AGBL1: variants seen among roughly 807,000 people sequenced by gnomAD.
AGBL1 encodes the protein cytosolic carboxypeptidase 4.
Under a neutral mutation model 118.9 loss-of-function variants are expected in AGBL1, and 130 were observed. The observed-to-expected ratio is 1.09, with a 90% CI of 0.95 to 1.26. AGBL1 has a LOEUF of 1.26. AGBL1 is among the 50% of genes most tolerant of loss of function. AGBL1 has a pLI of 0.00. For missense variants in AGBL1, 1,584 were observed against 1,298.1 expected (o/e 1.22, Z -3.38); for synonymous variants, 555 against 478.9 (o/e 1.16, Z -2.08).
intron 18 of AGBL1, among the ~76,000 whole-genome samples, chr15:86,465,392 G>A (rs912752188): frequency 6.6e-6 from 1 of 152,138 alleles, no homozygotes; most frequent in Non-Finnish European, 1.5e-5. Flanking sequence ...GTGTGTGTTT[G>A]AACAATATGA....
chr15:86,879,617 C>T (rs1278355854), intron 22 of AGBL1, among the ~76,000 whole-genome samples: 1 of 152,164 alleles, frequency 6.6e-6, no homozygotes, highest in African/African-American at 2.4e-5. Flanking sequence ...AAGGAACTCC[C>T]AAAAACTAAT....
In AGBL1 at chr15:86,625,364, C is replaced by CCTTTTTTTTTTTTTTTTTTTTTTTTTTTT. The variant is rs1429206623; in HGVS notation, c.2995-48909_2995-48908insCTTTTTTTTTTTTTTTTTTTTTTTTTTTT. Among the ~76,000 whole-genome samples, 5 of 68,260 alleles carry CCTTTTTTTTTTTTTTTTTTTTTTTTTTTT rather than the reference C, an allele frequency of 7.3e-5. 2 individuals are homozygous for CCTTTTTTTTTTTTTTTTTTTTTTTTTTTT. Among genetic ancestry groups the CCTTTTTTTTTTTTTTTTTTTTTTTTTTTT allele is most frequent in the Non-Finnish European group, 5.6e-5 (2 of 35,668 alleles). The allele number at this position is 68,260 out of a possible 152,430, so 44.8% of individuals were successfully genotyped here. On this transcript the variant is annotated intron_variant, in intron 21 of 22. Coordinates refer to ENST00000614907, the MANE Select transcript of AGBL1 (RefSeq NM_001386094.1). ...CAGCCTCCAAGGTAGAAGAAATTAG[C>CCTTTTTTTTTTTTTTTTTTTTTTTTTTTT]GTTTTTTTTTTTTTGTTTTTGTTTT...
intron 22 of AGBL1, among the ~76,000 whole-genome samples, chr15:86,688,950 A>G (rs571458064): frequency 1.3e-5 from 2 of 152,254 alleles, no homozygotes; most frequent in East Asian, 1.9e-4. Context: ...TTTTATGTCA[A>G]TGGAATCATA....
chr15:86,875,341 C>T (rs374149051), intron 22 of AGBL1, among the ~76,000 whole-genome samples: 4 of 152,176 alleles, frequency 2.6e-5, no homozygotes, highest in African/African-American at 9.7e-5. Flanking sequence ...CTATCCAGAA[C>T]GTGGTTGACA....
At chr15:86,205,573 G>A (rs1376133811) in intron 5 of AGBL1, among the ~76,000 whole-genome samples, 36 of 152,320 alleles carry the variant, frequency 2.4e-4, no homozygotes, top group Non-Finnish European at 4.4e-5. Context: ...ATTCGCATCA[G>A]CAATGAGTGA....
chr15:86,733,708 T>C (rs536540851), intron 22 of AGBL1, among the ~76,000 whole-genome samples: 1 of 152,342 alleles, frequency 6.6e-6, no homozygotes, highest in South Asian at 2.1e-4. Flanking sequence ...TATGAGGAGC[T>C]ATCATTAGCC....
At chr15:86,483,611 G>C (rs116544719) in intron 18 of AGBL1, among the ~76,000 whole-genome samples, 11 of 152,112 alleles carry the variant, frequency 7.2e-5, no homozygotes, top group Admixed American at 6.6e-4. Flanking sequence ...TCAGTTTCAG[G>C]CTTGCTCCAA....
At chr15:86,363,927 T>G (rs1360335258) in intron 17 of AGBL1, among the ~76,000 whole-genome samples, 2 of 152,166 alleles carry the variant, frequency 1.3e-5, no homozygotes, top group Non-Finnish European at 2.9e-5. Context: ...GTAATCAGAG[T>G]TGATTCTTTC....
intron 18 of AGBL1, among the ~76,000 whole-genome samples, chr15:86,488,899 C>A (rs2082744491): frequency 6.6e-6 from 1 of 151,504 alleles, no homozygotes; most frequent in Admixed American, 6.6e-5. Flanking sequence ...AAGCATTGCT[C>A]TTGATAGGAA....
chr15:86,156,048 A>T (rs1471955258), intron 4 of AGBL1, among the ~76,000 whole-genome samples: 1 of 151,952 alleles, frequency 6.6e-6, no homozygotes, highest in Non-Finnish European at 1.5e-5. Flanking sequence ...CAGCCTCCCG[A>T]GTAGCTGGGA....
chr15:86,282,673 G>T (rs147810825), intron 16 of AGBL1, among the ~76,000 whole-genome samples: 1 of 152,130 alleles, frequency 6.6e-6, no homozygotes, highest in African/African-American at 2.4e-5. Flanking sequence ...AGTACATTCT[G>T]TAATGCTAAC....
chr15:86,356,278 T>A lies in AGBL1; in HGVS notation c.2375-41088T>A, dbSNP rs902035147. Among the ~76,000 whole-genome samples the A allele has an allele frequency of 2.0e-5, 3 of 152,068 alleles. 1 individual carries two copies. In the South Asian group the frequency reaches 6.2e-4, roughly 32 times the overall value. The stretch of plus-strand genomic sequence containing the variant: ...TAACCCAGAGAAAGGCCTAAGACTT[T>A]ATTGTAAGTAGAATAACTTAGAAAA... On this transcript the variant is annotated intron_variant, in intron 17 of 22. Transcript: ENST00000614907.
chr15:86,795,709 C>T (rs561486307), intron 22 of AGBL1, among the ~76,000 whole-genome samples: 167 of 151,402 alleles, frequency 1.1e-3, no homozygotes, highest in African/African-American at 3.7e-3. Flanking sequence ...CCCAGCCTCC[C>T]GAGTAGCTGG....
At chr15:86,784,872 C>G (rs2078384836) in intron 22 of AGBL1, among the ~76,000 whole-genome samples, 1 of 152,030 alleles carries the variant, frequency 6.6e-6, no homozygotes, top group South Asian at 2.1e-4. Flanking sequence ...AACAGATAAT[C>G]TTTGTACTAC....
chr15:86,662,716 A>G (rs1348156551), intron 21 of AGBL1, among the ~76,000 whole-genome samples: 1 of 152,200 alleles, frequency 6.6e-6, no homozygotes, highest in Non-Finnish European at 1.5e-5. Context: ...TTCTTATTTT[A>G]TCACAAATAA....
chr15:86,919,517 C>T (rs749464383), downstream of AGBL1, among the ~76,000 whole-genome samples: 8 of 151,832 alleles, frequency 5.3e-5, no homozygotes, highest in African/African-American at 9.7e-5. Context: ...TGAATTGACA[C>T]TGAAATCTCT....
rs778991414 is a variant in AGBL1 at position 86,154,501 on chromosome 15, C to A, written c.334C>A (p.Leu112Ile). The A allele has an allele frequency of 1.2e-6, 2 of 1,613,208 alleles. No homozygotes were observed. The highest frequency in any genetic ancestry group is 2.2e-5 in the South Asian group (2 of 90,976). Residue 112 changes from leucine (L) to isoleucine (I), a missense_variant, in exon 4 of 23, where the codon CTA becomes ATA. Coordinates refer to ENST00000614907, the MANE Select transcript of AGBL1 (RefSeq NM_001386094.1). ...GACATTGATTCTGGCCAGGAAGAAC[C>A]TATCCCATGGCCAGAATCTCCTCCA... ...DVTLILARKN[L>I]SHGQNLLHCL...
At chr15:86,869,821 T>A (rs200167589) in intron 22 of AGBL1, among the ~76,000 whole-genome samples, 50 of 152,170 alleles carry the variant, frequency 3.3e-4, no homozygotes, top group African/African-American at 1.1e-3. Context: ...AGCTTGATCA[T>A]CTCTTGAGAT....
intron 1 of AGBL1, among the ~76,000 whole-genome samples, chr15:86,090,391 A>G (rs1164094786): frequency 6.6e-6 from 1 of 152,212 alleles, no homozygotes; most frequent in Non-Finnish European, 1.5e-5. Context: ...TCCTAAGACA[A>G]CTTCGTAAGC....
Sources: gnomAD v4.1 joint callset for allele counts (sites outside exome capture counted in the v4.1 genomes callset) on GRCh38, gnomAD v4.1.1 for gene constraint, MANE v1.5 for transcripts, NCBI Gene and HGNC (gene_info 2026-07-23, HGNC 2026-07-21) for gene names.